The following FBLN7 variants were observed in gnomAD, a reference collection of about 807,000 sequenced individuals.
FBLN7 encodes fibulin 7, also known as fibulin-7.
FBLN7 carries 31 observed loss-of-function variants against 44.0 expected under a neutral mutation model. The ratio of observed to expected loss-of-function variants is 0.70; its 90% CI spans 0.53 to 0.95. The LOEUF (loss-of-function observed/expected upper bound fraction) is 0.95, where lower values mean the gene tolerates loss of function less well. FBLN7 is among the 40% of genes least tolerant of loss of function. The probability of loss-of-function intolerance (pLI) is 0.00; values close to 1 mark genes in which losing one functional copy is unlikely to be tolerated. For synonymous variants in FBLN7, 262 were observed against 253.4 expected (o/e 1.03, Z -0.32); for missense variants, 573 against 618.5 (o/e 0.93, Z 0.78).
chr2:112,176,003 G>A (rs1682722667), intron 4 of FBLN7, 164 bp downstream of exon 4: 1 of 836,824 alleles, frequency 1.2e-6, no homozygotes, highest in East Asian at 2.8e-5. Flanking sequence ...GTTTTCTAAG[G>A]TGGTCACTTG....
At chr2:112,173,901 C>G (rs894684863) in intron 3 of FBLN7, among the ~76,000 whole-genome samples, 1 of 152,222 alleles carries the variant, frequency 6.6e-6, no homozygotes, top group African/African-American at 2.4e-5. Flanking sequence ...AATGAATACA[C>G]TGGGTGGATC....
the FBLN7 span, chr2:112,240,455 TAATC>T: frequency 6.6e-6 from 1 of 152,210 alleles, no homozygotes; most frequent in Non-Finnish European, 1.5e-5. Flanking sequence ...AAGTTTAGCT[TAATC>T]AAATACATAG....
chr2:112,238,699 T>TA, the FBLN7 span: 22 of 461,798 alleles, frequency 4.8e-5, no homozygotes, highest in Non-Finnish European at 7.0e-5. Context: ...TTTCCAGAAT[T>TA]AAAAAAAAGA....
chr2:112,214,692 G>A, the FBLN7 span: 1 of 152,210 alleles, frequency 6.6e-6, no homozygotes, highest in South Asian at 2.1e-4. Flanking sequence ...AGTATACTCG[G>A]AAATCTGCTC....
the FBLN7 span, chr2:112,215,075 CTTTAT>C: frequency 6.6e-6 from 1 of 151,838 alleles, no homozygotes; most frequent in Admixed American, 6.6e-5. Context: ...AAAATCTATA[CTTTAT>C]AAGTATCAAA....
chr2:112,222,309 T>C, the FBLN7 span, among the ~76,000 whole-genome samples: 1 of 152,162 alleles, frequency 6.6e-6, no homozygotes, highest in Non-Finnish European at 1.5e-5. Flanking sequence ...TGCACCTGCC[T>C]GCAGAGTTCA....
chr2:112,209,620 G>C, the FBLN7 span, among the ~76,000 whole-genome samples: 7 of 152,168 alleles, frequency 4.6e-5, no homozygotes, highest in Non-Finnish European at 1.0e-4. Context: ...ACATGAGAGG[G>C]TAACCAAGCA....
intron 1 of FBLN7, among the ~76,000 whole-genome samples, chr2:112,147,090 T>C (rs1680933380): frequency 6.6e-6 from 1 of 152,220 alleles, no homozygotes. Flanking sequence ...ATAAGGTGGA[T>C]TTTCTGTCTT....
chr2:112,156,730 C>G (rs971200210), intron 1 of FBLN7, among the ~76,000 whole-genome samples: 4 of 152,162 alleles, frequency 2.6e-5, no homozygotes, highest in African/African-American at 9.7e-5. Flanking sequence ...CTGGTCAGGC[C>G]CTGGGTATGG....
chr2:112,228,317 C>T, the FBLN7 span, among the ~76,000 whole-genome samples: 1 of 152,038 alleles, frequency 6.6e-6, no homozygotes, highest in Non-Finnish European at 1.5e-5. Flanking sequence ...ACCTGGCCAA[C>T]ATAGTGAAAG....
the FBLN7 span, chr2:112,236,477 C>T: frequency 6.5e-7 from 1 of 1,547,734 alleles, no homozygotes; most frequent in Non-Finnish European, 8.7e-7. Context: ...CTCCATATCA[C>T]ATAGCACTTC....
the FBLN7 span, among the ~76,000 whole-genome samples, chr2:112,194,355 C>A: frequency 2.0e-5 from 3 of 152,174 alleles, no homozygotes; most frequent in Non-Finnish European, 4.4e-5. Context: ...AAAGCTGAGG[C>A]AGTGGTTGGT....
At chr2:112,159,103 C>T (rs539603194) in intron 1 of FBLN7, among the ~76,000 whole-genome samples, 1 of 152,056 alleles carries the variant, frequency 6.6e-6, no homozygotes, top group African/African-American at 2.4e-5. Context: ...TAAGCATGAT[C>T]CTCCATTTTC....
At chr2:112,208,333 G>A in the FBLN7 span, among the ~76,000 whole-genome samples, 12 of 152,182 alleles carry the variant, frequency 7.9e-5, no homozygotes, top group East Asian at 7.7e-4. Context: ...TCCTGGAGGC[G>A]GAGGTTGCAG....
At chr2:112,138,796 TCCCGCCTCTCTCCAGGCCAGC>T (rs1187881215) in intron 1 of FBLN7, 66 bp downstream of exon 1, 1 of 1,274,498 alleles carries the variant, frequency 7.8e-7, no homozygotes. Flanking sequence ...CCAGTGTCCC[TCCCGCCTCTCTCCAGGCCAGC>T]GTCCCTCCCG....
intron 1 of FBLN7, among the ~76,000 whole-genome samples, chr2:112,149,957 C>T (rs887800089): frequency 3.9e-5 from 6 of 152,298 alleles, no homozygotes; most frequent in Middle Eastern, 3.4e-3. Context: ...AGGAACTCAG[C>T]GTGGGGCTGG....
chr2:112,164,722 C>G (rs1228494172), intron 2 of FBLN7, among the ~76,000 whole-genome samples: 1 of 152,212 alleles, frequency 6.6e-6, no homozygotes, highest in Non-Finnish European at 1.5e-5. Context: ...CGGATCATTG[C>G]AGGGTGGGCC....
At chr2:112,149,427 G>A (rs1014747325) in intron 1 of FBLN7, among the ~76,000 whole-genome samples, 1 of 152,164 alleles carries the variant, frequency 6.6e-6, no homozygotes, top group Non-Finnish European at 1.5e-5. Flanking sequence ...CAGGCAGATC[G>A]AGCCAGATGC....
the FBLN7 span, among the ~76,000 whole-genome samples, chr2:112,233,569 TA>T: frequency 6.6e-6 from 1 of 152,186 alleles, no homozygotes; most frequent in Non-Finnish European, 1.5e-5. Flanking sequence ...CAAACATTTT[TA>T]AACATAAAGC....
Sources: gnomAD v4.1 joint callset for allele counts (sites outside exome capture counted in the v4.1 genomes callset) on GRCh38, gnomAD v4.1.1 for gene constraint, MANE v1.5 for transcripts, NCBI Gene and HGNC (gene_info 2026-07-23, HGNC 2026-07-21) for gene names.